The following S100G variants were observed in gnomAD, a reference collection of about 807,000 sequenced individuals.
The protein encoded by S100G is protein S100-G.
Under a neutral mutation model 4.4 loss-of-function variants are expected in S100G, and 4 were observed. The observed-to-expected ratio is 0.91, with a 90% CI of 0.45 to 2.09. S100G has a LOEUF of 2.09. S100G is among the 30% of genes most tolerant of loss of function. The pLI, the probability that S100G is intolerant of heterozygous loss-of-function variation, is 0.03. For missense variants in S100G, 48 were observed against 49.8 expected (o/e 0.96, Z 0.11); for synonymous variants, 24 against 20.1 (o/e 1.20, Z -0.53).
intron 2 of S100G, 39 bp downstream of exon 2, chrX:16,651,180 TGGTGGGAGGGGAG>T: frequency 1.8e-5 from 6 of 328,086 alleles, no homozygotes; most frequent in Non-Finnish European, 3.0e-5. Context: ...ATGGGACTGA[TGGTGGGAGGGGAG>T]GGAGGGAGGG....
At chrX:16,650,713 C>T (rs1017128382) in intron 1 of S100G, among the ~76,000 whole-genome samples, 4 of 109,334 alleles carry the variant, frequency 3.7e-5, no homozygotes, top group African/African-American at 1.3e-4. Flanking sequence ...ACCATGTTGG[C>T]CAGGCTTCCA....
At chrX:16,652,439 T>C (rs1167753761) in intron 2 of S100G, among the ~76,000 whole-genome samples, 1 of 112,296 alleles carries the variant, frequency 8.9e-6, no homozygotes, top group Non-Finnish European at 1.9e-5. Context: ...CCCCAGAATC[T>C]GATATTTTCT....
At position 16,651,378 on chromosome X, in the gene S100G, A is replaced by G. The variant is rs770703618; in HGVS notation, c.135+237A>G. On this transcript the variant is annotated intron_variant, in intron 2 of 2. Transcript: ENST00000380200. ...ACAGGACTCTGCAGGACTAGCCATA[A>G]TAAATGGAAGCAATGCCAAGTTATG... Among the ~76,000 whole-genome samples the G allele has an allele frequency of 2.6e-4, 29 of 111,937 alleles. 1 individual carries two copies. Among genetic ancestry groups the G allele is most frequent in the Admixed American group, 1.5e-3 (16 of 10,537 alleles).
Position 16,654,387 on chromosome X carries a change from C to A in S100G, c.136-18C>A. 2 of 1,088,206 alleles carry A rather than the reference C, an allele frequency of 1.8e-6. No individual in the cohort carries two copies. The highest frequency in any genetic ancestry group is 1.2e-6 in the Non-Finnish European group (1 of 804,918). 89.7% of individuals were successfully genotyped at this position (1,088,206 alleles called of 1,213,427 possible). ...TTTTTCTCCCCTCCCTTCTCCCATC[C>A]TTTTTTATGTAAAACAGGGTCCAAA... On this transcript the variant is annotated intron_variant, in intron 2 of 2. Transcript: ENST00000380200.
intron 2 of S100G, among the ~76,000 whole-genome samples, chrX:16,652,288 C>T (rs1314363272): frequency 8.9e-6 from 1 of 112,094 alleles, no homozygotes; most frequent in African/African-American, 3.2e-5. Flanking sequence ...CACTATTTAG[C>T]TCTAACTTCA....
chrX:16,653,827 C>A (rs778680140), intron 2 of S100G, among the ~76,000 whole-genome samples: 1 of 111,823 alleles, frequency 8.9e-6, no homozygotes, highest in South Asian at 3.7e-4. Context: ...ACGTGTGGAC[C>A]CCAACCCCTC....
intron 2 of S100G, among the ~76,000 whole-genome samples, chrX:16,653,031 C>A (rs1375128987): frequency 9.0e-6 from 1 of 111,212 alleles, no homozygotes; most frequent in Non-Finnish European, 1.9e-5. Context: ...ATCTACTTAG[C>A]ACTACTGAAC....
intron 1 of S100G, among the ~76,000 whole-genome samples, chrX:16,650,659 C>T (rs752261752): frequency 9.2e-6 from 1 of 108,333 alleles, no homozygotes; most frequent in Non-Finnish European, 1.9e-5. Flanking sequence ...ACTATAGGCA[C>T]GCACCACCAC....
chrX:16,651,827 T>C (rs1229622820), intron 2 of S100G, among the ~76,000 whole-genome samples: 5 of 111,680 alleles, frequency 4.5e-5, no homozygotes, highest in African/African-American at 1.6e-4. Context: ...CACTCCAATA[T>C]ACAGTACTGT....
chrX:16,654,536 C>A lies in S100G; in HGVS notation c.*27C>A. ...GGAGAAAACAAAATAGAACCCTGAG[C>A]ACTGGAGGAAGAGCGCCTGTGCTGT... On this transcript the variant is annotated 3_prime_UTR_variant, in exon 3 of 3. Transcript: ENST00000380200. The A allele has an allele frequency of 1.0e-6, 1 of 955,302 alleles. No homozygotes were observed. The highest frequency in any genetic ancestry group is 1.5e-6 in the Non-Finnish European group (1 of 672,405). The allele number at this position is 955,302 out of a possible 1,213,427, so 78.7% of individuals were successfully genotyped here.
intron 2 of S100G, among the ~76,000 whole-genome samples, chrX:16,652,431 C>T (rs1001006198): frequency 1.5e-4 from 17 of 111,613 alleles, no homozygotes; most frequent in African/African-American, 4.6e-4. Context: ...TTCAATGACC[C>T]CAGAATCTGA....
rs761231811 is a variant in S100G, at chrX:16,651,155, C to G, written c.135+14C>G. 8.6e-7 allele frequency: 1 copy of G among 1,156,351 alleles called. No individual in the cohort carries two copies. Among genetic ancestry groups the G allele is most frequent in the Non-Finnish European group, 1.2e-6 (1 of 853,565 alleles). The stretch of plus-strand genomic sequence containing the variant: ...AGTTTACTCAAAGTAAGTGGCCATC[C>G]GCAGAGCCCACTTAATGGGACTGAT... On this transcript the variant is annotated intron_variant, in intron 2 of 2. Coordinates refer to ENST00000380200, the MANE Select transcript of S100G (RefSeq NM_004057.3).
chrX:16,651,199 G>C lies in S100G; in HGVS notation c.135+58G>C. The C allele has an allele frequency of 2.2e-5, 8 of 360,466 alleles. 1 individual carries two copies. Among genetic ancestry groups the C allele is most frequent in the Non-Finnish European group, 4.4e-5 (8 of 181,562 alleles). The allele number at this position is 360,466 out of a possible 1,213,427, so 29.7% of individuals were successfully genotyped here. On this transcript the variant is annotated intron_variant, in intron 2 of 2. Transcript: ENST00000380200. ...GACTGATGGTGGGAGGGGAGGGAGG[G>C]AGGGGAGAGGACTCCGGTAGAGCCT...
At chrX:16,652,519 T>C (rs974975915) in intron 2 of S100G, among the ~76,000 whole-genome samples, 10 of 112,412 alleles carry the variant, frequency 8.9e-5, no homozygotes, top group Non-Finnish European at 1.9e-4. Flanking sequence ...AAAAGGGACT[T>C]TTTAATTAAA....
intron 2 of S100G, among the ~76,000 whole-genome samples, chrX:16,651,754 C>T (rs1932646065): frequency 8.9e-6 from 1 of 111,972 alleles, no homozygotes; most frequent in African/African-American, 3.2e-5. Flanking sequence ...CAAAATCACC[C>T]CAGAGTTGTC....
At chrX:16,653,868 G>C (rs747784012) in intron 2 of S100G, among the ~76,000 whole-genome samples, 59 of 111,696 alleles carry the variant, frequency 5.3e-4, no homozygotes, top group African/African-American at 1.9e-3. Flanking sequence ...TCAAGTAAGT[G>C]ACTGCCTGTC....
intron 2 of S100G, among the ~76,000 whole-genome samples, chrX:16,652,458 C>T (rs1207033414): frequency 8.9e-6 from 1 of 112,048 alleles, no homozygotes; most frequent in Admixed American, 9.5e-5. Context: ...CTCATTTTCT[C>T]ATAGTTGAAA....
rs201526472 is a variant in S100G at position 16,654,550 on chromosome X, C to T, written c.*41C>T. Reference sequence around the variant, plus strand: ...AGAACCCTGAGCACTGGAGGAAGAGCGCCTGTGCTGTGGTCTTATCCTATG... The same window carrying T: ...AGAACCCTGAGCACTGGAGGAAGAGTGCCTGTGCTGTGGTCTTATCCTATG... On this transcript the variant is annotated 3_prime_UTR_variant, in exon 3 of 3. Coordinates refer to ENST00000380200, the MANE Select transcript of S100G (RefSeq NM_004057.3). 24 of 840,697 alleles carry T rather than the reference C, an allele frequency of 2.9e-5. No homozygotes were observed. Among genetic ancestry groups the T allele is most frequent in the Non-Finnish European group, 3.7e-5 (21 of 574,460 alleles). The allele number at this position is 840,697 out of a possible 1,213,427, so 69.3% of individuals were successfully genotyped here. A position where few individuals can be genotyped will look rare whatever the true frequency, so the allele number is the denominator to read the frequency against.
intron 2 of S100G, 25 bp from the exon 3 acceptor site, chrX:16,654,380 T>C: frequency 1.9e-6 from 2 of 1,026,943 alleles, no homozygotes; most frequent in Middle Eastern, 2.6e-4. Flanking sequence ...CCCTCCCTTC[T>C]CCCATCCTTT....
Sources: allele counts gnomAD v4.1 joint callset (sites outside exome capture counted in the v4.1 genomes callset), GRCh38; gene constraint gnomAD v4.1.1; transcripts MANE v1.5; gene names NCBI Gene and HGNC (gene_info 2026-07-23, HGNC 2026-07-21).